Variants in RNF213 observed in about 807,000 individuals in gnomAD.
RNF213 encodes E3 ubiquitin-protein ligase RNF213.
A neutral mutation model predicts 514.4 loss-of-function variants in RNF213; 341 were observed. That is an observed-to-expected ratio of 0.66 (90% CI 0.61 to 0.73). RNF213 has a LOEUF of 0.73. RNF213 is among the 30% of genes least tolerant of loss of function. The probability of loss-of-function intolerance (pLI) is 0.00; values close to 1 mark genes in which losing one functional copy is unlikely to be tolerated. For missense variants in RNF213, 5,767 were observed against 6,615.6 expected (o/e 0.87, Z 4.45); for synonymous variants, 2,655 against 2,658.2 (o/e 1.00, Z 0.04).
Position 80,346,460 on chromosome 17 carries a change from A to G in RNF213, c.8125A>G (p.Arg2709Gly). 2 of 1,613,940 alleles carry G rather than the reference A, an allele frequency of 1.2e-6. No homozygotes were observed. The highest frequency in any genetic ancestry group is 3.3e-4 in the Middle Eastern group (2 of 6,062). Residue 2709 changes from arginine (R) to glycine (G), a missense_variant, in exon 29 of 68, where the codon AGG (arginine) becomes GGG (glycine). By Grantham distance (125) the Arg-to-Gly change is moderately radical. This residue lies in a region of RNF213 where 1,377 missense variants were observed against 1,635.2 expected (regional missense o/e 0.84). Coordinates refer to ENST00000582970, the MANE Select transcript of RNF213 (RefSeq NM_001256071.3). This position sits in a 1 kb window ranked among gnomAD's most constrained non-coding sequence, Gnocchi z 8.1. Reference protein sequence around the residue: ...KKDSYRKAIARFFPKPYDDSR... With the variant: ...KKDSYRKAIAGFFPKPYDDSR... ...AGACTCATATCGGAAAGCCATCGCCAGGTTCTTTCCGAAACCGTATGACGA... is the reference window on the plus strand; with the variant it reads ...AGACTCATATCGGAAAGCCATCGCCGGGTTCTTTCCGAAACCGTATGACGA...
rs188541240 is a variant in RNF213, at chr17:80,328,061, G to A, written c.3367+72G>A. 6.6e-5 allele frequency: 99 copies of A among 1,502,492 alleles called. 1 individual carries two copies. Among genetic ancestry groups the A allele is most frequent in the African/African-American group, 3.0e-4 (22 of 72,302 alleles). 93.1% of individuals were successfully genotyped at this position (1,502,492 alleles called of 1,614,324 possible). ...AGCTGGAAGACACGTTTGTGTTTGC[G>A]TGTGCATTTTTGTAAAGGAGATAAT... is the stretch of plus-strand genomic sequence containing the variant. On this transcript the variant is annotated intron_variant, in intron 19 of 67. Transcript: ENST00000582970.
rs1425345745 is a variant in RNF213 at position 80,347,624 on chromosome 17, G to A, written c.9289G>A (p.Gly3097Ser). 6.2e-7 allele frequency: 1 copy of A among 1,614,028 alleles called. No homozygotes were observed. Among genetic ancestry groups the A allele is most frequent in the African/African-American group, 1.3e-5 (1 of 74,920 alleles). Residue 3097 changes from glycine to serine, a missense_variant, in exon 29 of 68, where the codon GGC becomes AGC. Gly to Ser is a moderately conservative substitution (Grantham distance 56). Coordinates refer to ENST00000582970, the MANE Select transcript of RNF213 (RefSeq NM_001256071.3). This position sits in a 1 kb window ranked among gnomAD's most constrained non-coding sequence, Gnocchi z 7.2. ...TCGTGTGAAGATCTGCATGGAAACA[G>A]GCAAGATGGTGTTGCTTCTCAACCT... is the stretch of plus-strand genomic sequence containing the variant. ...INRVKICMET[G>S]KMVLLLNLQN... is the part of the protein sequence containing the mutation.
intron 3 of RNF213, among the ~76,000 whole-genome samples, chr17:80,277,873 T>C (rs1363926741): frequency 3.9e-5 from 6 of 152,188 alleles, no homozygotes; most frequent in Admixed American, 6.5e-5. Flanking sequence ...GACAGCGAGC[T>C]GCGTGGCCAG....
intron 67 of RNF213, 57 bp from the exon 68 acceptor site, chr17:80,393,288 A>G: frequency 6.8e-7 from 1 of 1,478,006 alleles, no homozygotes; most frequent in Non-Finnish European, 9.3e-7. Flanking sequence ...GGGCTTACAC[A>G]CGTGAGCCAC....
At chr17:80,365,063 C>A (rs1355361264) in intron 42 of RNF213, 1 of 202,270 alleles carries the variant, frequency 4.9e-6, no homozygotes, top group Non-Finnish European at 1.0e-5. Flanking sequence ...GGGTGGTCTG[C>A]AGAAAGAAAC....
At position 80,377,586 on chromosome 17, in the gene RNF213, A is replaced by G; in HGVS notation, c.13511-176A>G. 1.4e-6 allele frequency: 1 copy of G among 739,282 alleles called. No individual in the cohort carries two copies. The allele number at this position is 739,282 out of a possible 1,614,324, so 45.8% of individuals were successfully genotyped here. Reference sequence around the variant, plus strand: ...CTCAGACATTTTTCACTGACAACATACATTTATTAAGCTTCAGGCAGGTGT... The same window carrying G: ...CTCAGACATTTTTCACTGACAACATGCATTTATTAAGCTTCAGGCAGGTGT... On this transcript the variant is annotated intron_variant, in intron 53 of 67. Transcript: ENST00000582970. The surrounding 1 kb of genome is among the most constrained non-coding windows in gnomAD (Gnocchi z 4.1).
chr17:80,386,551 C>A, intron 62 of RNF213, 121 bp downstream of exon 62: 1 of 1,390,460 alleles, frequency 7.2e-7, no homozygotes, highest in Non-Finnish European at 1.0e-6. Flanking sequence ...TCAGCCGCCC[C>A]CACCAGTGAC....
chr17:80,305,633 A>ATTTTT (rs2045332221), intron 11 of RNF213, among the ~76,000 whole-genome samples: 1 of 145,816 alleles, frequency 6.9e-6, no homozygotes, highest in Non-Finnish European at 1.5e-5. Flanking sequence ...TTTTTTTGAG[A>ATTTTT]CAGAGTCTCA....
intron 50 of RNF213, 187 bp downstream of exon 50, chr17:80,374,776 T>G (rs919640930): frequency 6.2e-6 from 4 of 648,602 alleles, no homozygotes; most frequent in African/African-American, 5.4e-5. Flanking sequence ...AACCAGTGGC[T>G]GGAACAGGAC....
chr17:80,290,412 TGC>T (rs1277957879), intron 6 of RNF213, among the ~76,000 whole-genome samples, 156 bp from the exon 7 acceptor site: 6 of 134,060 alleles, frequency 4.5e-5, no homozygotes, highest in African/African-American at 1.6e-4. Context: ...CTTGTGTGTG[TGC>T]GTGTGTGCGA....
rs1568179363 is a variant in RNF213, at chr17:80,393,593, A to G, written c.*95A>G. On this transcript the variant is annotated 3_prime_UTR_variant, in exon 68 of 68. Coordinates refer to ENST00000582970, the MANE Select transcript of RNF213 (RefSeq NM_001256071.3). ...CTTGATCATGGACTGGTGCCTTTGC[A>G]TTCAGAAGGAGAGCTGTCAGCGTAG... 3 of 1,369,720 alleles carry G rather than the reference A, an allele frequency of 2.2e-6. No homozygotes were observed. Among genetic ancestry groups the G allele is most frequent in the East Asian group, 4.7e-5 (2 of 42,394 alleles). The allele number at this position is 1,369,720 out of a possible 1,614,324, so 84.8% of individuals were successfully genotyped here.
chr17:80,351,682 T>C lies in RNF213; in HGVS notation c.10185-3T>C, dbSNP rs188753299. ...AGGTATTCTTTTTTTTTTCTTTAAA[T>C]AGGTATTCTGTTATAAATGAAATCA... On this transcript the variant is annotated splice_polypyrimidine_tract_variant and splice_region_variant and intron_variant, in intron 31 of 67. Coordinates refer to ENST00000582970, the MANE Select transcript of RNF213 (RefSeq NM_001256071.3). 2.6e-5 allele frequency: 37 copies of C among 1,396,948 alleles called. No homozygotes were observed. In the East Asian group the frequency reaches 7.7e-4, roughly 29 times the overall value. The allele number at this position is 1,396,948 out of a possible 1,614,324, so 86.5% of individuals were successfully genotyped here.
chr17:80,340,018 TG>T lies in RNF213; in HGVS notation c.5654del (p.Gly1885AlafsTer16), dbSNP rs1240716857. 1 of 1,542,248 alleles carries T rather than the reference TG, an allele frequency of 6.5e-7. No individual in the cohort carries two copies. The highest frequency in any genetic ancestry group is 2.4e-5 in the East Asian group (1 of 41,000). On this transcript the variant is annotated frameshift_variant, in exon 26 of 68. Coordinates refer to ENST00000582970, the MANE Select transcript of RNF213 (RefSeq NM_001256071.3). LOFTEE classifies it high-confidence loss of function. ...CTGTTGCTGCGCCGCTGCCTGACCC[TG>T]GGCTCCCTGGGGCACAAGGTCTACA... ...VALLLRRCLTLGSLGHKVYSL... is the reference protein window; with the variant it reads ...VALLLRRCLTXGSLGHKVYSL...
Position 80,326,794 on chromosome 17 carries a change from C to T in RNF213, c.3194-1022C>T, listed in dbSNP as rs528415294. ...ATGGATGTGCTACCATTCGCTTACC[C>T]GTTCACCTCATGAAAGACATCTTGG... On this transcript the variant is annotated intron_variant, in intron 18 of 67. Transcript: ENST00000582970. 9.9e-5 allele frequency among the ~76,000 whole-genome samples: 15 copies of T among 152,270 alleles called. No individual in the cohort carries two copies. The South Asian group carries it at 1.2e-3, about 13-fold the overall frequency.
Position 80,380,904 on chromosome 17 carries a change from C to G in RNF213, c.13714C>G (p.Arg4572Gly), listed in dbSNP as rs1040434824. 3.1e-6 allele frequency: 5 copies of G among 1,614,030 alleles called. No individual in the cohort carries two copies. The African/African-American group carries it at 5.3e-5, about 17-fold the overall frequency. Reference sequence around the variant, plus strand: ...GCGGAGAGACGTGGTGACATGTGACCGAGGGCTGCCCCCAGTGGTCTTCCT... The same window carrying G: ...GCGGAGAGACGTGGTGACATGTGACGGAGGGCTGCCCCCAGTGGTCTTCCT... ...PQRRDVVTCD[R>G]GLPPVVFLLI... Residue 4572 changes from arginine to glycine, a missense_variant, in exon 56 of 68, where the codon CGA (arginine) becomes GGA (glycine). This residue lies in a region of RNF213 where 1,245 missense variants were observed against 1,339.0 expected (regional missense o/e 0.93). Coordinates refer to ENST00000582970, the MANE Select transcript of RNF213 (RefSeq NM_001256071.3).
At chr17:80,352,646 T>C in intron 32 of RNF213, 1 of 606,836 alleles carries the variant, frequency 1.6e-6, no homozygotes, top group Non-Finnish European at 3.0e-6. Context: ...AATACAACAA[T>C]GCATGGGTGA....
At position 80,328,863 on chromosome 17, in the gene RNF213, C is replaced by T. The variant is rs189335409; in HGVS notation, c.3517+386C>T. On this transcript the variant is annotated intron_variant, in intron 20 of 67. Transcript: ENST00000582970. ...ATTGTTTAGGGTTAAATCATCAGGA[C>T]CCACACGGATCACAAGTGAACCACG... 1.7e-3 allele frequency among the ~76,000 whole-genome samples: 256 copies of T among 152,272 alleles called. 2 individuals carry two copies. Among genetic ancestry groups the T allele is most frequent in the African/African-American group, 5.9e-3 (245 of 41,540 alleles).
At chr17:80,293,691 G>C (rs2044826006) in intron 8 of RNF213, among the ~76,000 whole-genome samples, 1 of 152,098 alleles carries the variant, frequency 6.6e-6, no homozygotes, top group African/African-American at 2.4e-5. Flanking sequence ...GGGCGTCTTG[G>C]CAGCGGGCGC....
In RNF213 at chr17:80,288,363, G is replaced by C; in HGVS notation, c.810G>C (p.Met270Ile). ...AACAGGCAGGGGCCTCAGCCTCTAT[G>C]GTGAGTCATCCGGGAGAGATGGCCT... is the stretch of plus-strand genomic sequence containing the variant. ...TEQQAGASAS[M>I]AVDAVAEPAN... Residue 270 changes from methionine (M) to isoleucine (I), a missense_variant and splice_region_variant, in exon 4 of 68, where the codon ATG becomes ATC. This residue lies in a region of RNF213 where 509 missense variants were observed against 496.7 expected (regional missense o/e 1.02). Coordinates refer to ENST00000582970, the MANE Select transcript of RNF213 (RefSeq NM_001256071.3). This position sits in a 1 kb window ranked among gnomAD's most constrained non-coding sequence, Gnocchi z 4.9. The C allele has an allele frequency of 6.2e-7, 1 of 1,612,042 alleles. No individual in the cohort carries two copies. Among genetic ancestry groups the C allele is most frequent in the Non-Finnish European group, 8.5e-7 (1 of 1,179,930 alleles).
Sources: gnomAD v4.1 joint callset for allele counts (sites outside exome capture counted in the v4.1 genomes callset) on GRCh38, gnomAD v4.1.1 for gene constraint, gnomAD v4.1.1 regional missense constraint, Gnocchi (gnomAD v3.1) non-coding constraint, MANE v1.5 for transcripts, NCBI Gene and HGNC (gene_info 2026-07-23, HGNC 2026-07-21) for gene names.